Variants in SCG5 observed in about 807,000 individuals in gnomAD.
SCG5 encodes the protein neuroendocrine protein 7B2.
Under a neutral mutation model 25.7 loss-of-function variants are expected in SCG5, and 18 were observed. The observed-to-expected ratio is 0.70, with a 90% confidence interval of 0.48 to 1.04. The LOEUF (loss-of-function observed/expected upper bound fraction) is 1.04, where lower values mean the gene tolerates loss of function less well. SCG5 is among the 50% of genes least tolerant of loss of function. SCG5 has a pLI of 0.00. For synonymous variants in SCG5, 101 were observed against 91.7 expected, an observed-to-expected ratio of 1.10 and a Z score of -0.58; for missense variants, 206 against 259.8, an observed-to-expected ratio of 0.79 and a Z score of 1.42.
At chr15:32,656,807 G>A (rs1444147979) in intron 2 of SCG5, among the ~76,000 whole-genome samples, 1 of 152,176 alleles carries the variant, frequency 6.6e-6, no homozygotes, top group Non-Finnish European at 1.5e-5. Context: ...GGCTGGAAGG[G>A]TTTAGCAGAC....
intron 2 of SCG5, among the ~76,000 whole-genome samples, chr15:32,661,323 CAG>C (rs1405344163): frequency 2.6e-5 from 4 of 152,160 alleles, no homozygotes; most frequent in Non-Finnish European, 5.9e-5. Context: ...TTTGTGACAA[CAG>C]AAAATGTCTC....
intron 2 of SCG5, among the ~76,000 whole-genome samples, chr15:32,644,825 G>C (rs968035145): frequency 1.3e-5 from 2 of 152,192 alleles, no homozygotes; most frequent in African/African-American, 4.8e-5. Context: ...GTTCCCTACA[G>C]ATTGATTATG....
intron 2 of SCG5, among the ~76,000 whole-genome samples, chr15:32,661,744 C>T (rs185223462): frequency 1.4e-4 from 21 of 152,252 alleles, no homozygotes; most frequent in Admixed American, 9.2e-4. Flanking sequence ...ATCACACACT[C>T]GGAGGGAAAT....
chr15:32,658,991 A>G (rs1344204985), intron 2 of SCG5, among the ~76,000 whole-genome samples: 1 of 152,108 alleles, frequency 6.6e-6, no homozygotes, highest in East Asian at 1.9e-4. Flanking sequence ...CCTGGCTAAC[A>G]CGGTGAAACC....
At chr15:32,649,397 T>C (rs2053998303) in intron 2 of SCG5, among the ~76,000 whole-genome samples, 1 of 152,214 alleles carries the variant, frequency 6.6e-6, no homozygotes, top group Admixed American at 6.5e-5. Flanking sequence ...TTAGTGATAA[T>C]GTGGTGAGCA....
intron 2 of SCG5, among the ~76,000 whole-genome samples, chr15:32,669,861 C>T (rs1413244727): frequency 6.9e-6 from 1 of 145,160 alleles, no homozygotes; most frequent in Non-Finnish European, 1.5e-5. Flanking sequence ...AAAACAAACA[C>T]CGCTTCAGAA....
intron 4 of SCG5, among the ~76,000 whole-genome samples, chr15:32,686,568 G>A (rs7403093): frequency 0.93 from 142,288 of 152,244 alleles, 66,744 homozygotes; most frequent in East Asian, 0.99. Context: ...AGAAAAGAGA[G>A]GAATAGAGGG....
chr15:32,687,882 T>C (rs1287663517), intron 4 of SCG5, among the ~76,000 whole-genome samples: 1 of 152,236 alleles, frequency 6.6e-6, no homozygotes, highest in Non-Finnish European at 1.5e-5. Context: ...ATGATAATAG[T>C]AATTGTATTA....
intron 2 of SCG5, among the ~76,000 whole-genome samples, chr15:32,677,173 G>C (rs1412269467): frequency 1.3e-5 from 2 of 152,102 alleles, no homozygotes; most frequent in African/African-American, 2.4e-5. Flanking sequence ...CAGTGACCTA[G>C]ATCTGGGCTA....
intron 2 of SCG5, among the ~76,000 whole-genome samples, chr15:32,658,084 A>C (rs932408522): frequency 1.3e-5 from 2 of 152,154 alleles, no homozygotes; most frequent in African/African-American, 4.8e-5. Context: ...GGAGTAACGA[A>C]GTGTTTTCAT....
chr15:32,643,557 T>A (rs1595785463), intron 1 of SCG5, 29 bp from the exon 2 acceptor site: 1 of 1,494,920 alleles, frequency 6.7e-7, no homozygotes, highest in East Asian at 2.3e-5. Context: ...TTGTAGCCTA[T>A]CAGTATACAT....
Position 32,696,553 on chromosome 15 carries a change from G to A in SCG5, c.583G>A (p.Val195Ile), listed in dbSNP as rs2054969473. 1.9e-6 allele frequency: 3 copies of A among 1,613,254 alleles called. No homozygotes were observed. Among genetic ancestry groups the A allele is most frequent in the Non-Finnish European group, 2.5e-6 (3 of 1,179,554 alleles). ...TCTACAAGGACAGAGACTGGATAAT[G>A]TTGTTGCAAAGAAGTCTGTCCCCCA... ...PYLQGQRLDN[V>I]VAKKSVPHFS... is the part of the protein sequence containing the mutation. The change falls in exon 6 of 6, where the codon GTT becomes ATT. Residue 195 changes from valine to isoleucine, a missense_variant. Coordinates refer to ENST00000300175, the MANE Select transcript of SCG5 (RefSeq NM_001144757.3).
intron 2 of SCG5, among the ~76,000 whole-genome samples, chr15:32,648,447 A>T (rs777430752): frequency 1.7e-4 from 26 of 152,098 alleles, no homozygotes; most frequent in Non-Finnish European, 3.1e-4. Context: ...GAAAAGTTTA[A>T]ACCATATTAG....
intron 2 of SCG5, among the ~76,000 whole-genome samples, chr15:32,652,028 A>T (rs1252250301): frequency 2.0e-5 from 3 of 152,240 alleles, no homozygotes; most frequent in Non-Finnish European, 4.4e-5. Flanking sequence ...GATGAAGAAG[A>T]ATCCACAAAG....
At chr15:32,661,353 C>T (rs1166170446) in intron 2 of SCG5, among the ~76,000 whole-genome samples, 1 of 152,216 alleles carries the variant, frequency 6.6e-6, no homozygotes, top group Non-Finnish European at 1.5e-5. Context: ...GGTGCGGTGG[C>T]TCATGCCTGT....
chr15:32,681,443 T>A (rs2054618363), intron 3 of SCG5, among the ~76,000 whole-genome samples: 1 of 152,008 alleles, frequency 6.6e-6, no homozygotes, highest in Non-Finnish European at 1.5e-5. Flanking sequence ...CTCTGAAAAT[T>A]GTGATAACAT....
chr15:32,692,201 G>A, intron 5 of SCG5: 1 of 1,004,082 alleles, frequency 1.0e-6, no homozygotes, highest in African/African-American at 1.7e-5. Flanking sequence ...AAATAACTTT[G>A]AAGGAATTCG....
At chr15:32,671,123 G>T (rs1371788124) in intron 2 of SCG5, among the ~76,000 whole-genome samples, 1 of 152,176 alleles carries the variant, frequency 6.6e-6, no homozygotes, top group African/African-American at 2.4e-5. Context: ...GAGGTTATGA[G>T]AATCCCACAG....
chr15:32,672,994 A>G (rs1217406672), intron 2 of SCG5: 2 of 151,650 alleles, frequency 1.3e-5, no homozygotes, highest in Admixed American at 1.3e-4. Flanking sequence ...ACCAACCTTA[A>G]CTTCCATCAA....
Sources: allele counts gnomAD v4.1 joint callset (sites outside exome capture counted in the v4.1 genomes callset), GRCh38; gene constraint gnomAD v4.1.1; transcripts MANE v1.5; gene names NCBI Gene and HGNC (gene_info 2026-07-23, HGNC 2026-07-21).